The following KCNT2 variants were observed in gnomAD, a reference collection of about 807,000 sequenced individuals.
KCNT2 encodes potassium sodium-activated channel subfamily T member 2.
Under a neutral mutation model 153.8 loss-of-function variants are expected in KCNT2, and 67 were observed. That is an observed-to-expected ratio of 0.44 (90% CI 0.36 to 0.53). The LOEUF is 0.53. Among genes scored for constraint, KCNT2 ranks in the 20% least tolerant of loss-of-function variants. KCNT2 has a pLI of 0.00. For synonymous variants in KCNT2, 500 were observed against 458.8 expected, an observed-to-expected ratio of 1.09 and a Z score of -1.15; for missense variants, 975 against 1,354.8, an observed-to-expected ratio of 0.72 and a Z score of 4.40.
At chr1:196,519,055 C>T (rs965806554) in intron 1 of KCNT2, among the ~76,000 whole-genome samples, 1 of 152,120 alleles carries the variant, frequency 6.6e-6, no homozygotes, top group Admixed American at 6.6e-5. Context: ...AAAAAATCCT[C>T]AGCAAATCCA....
intron 1 of KCNT2, among the ~76,000 whole-genome samples, chr1:196,511,108 A>G (rs1254096575): frequency 1.0e-5 from 1 of 100,176 alleles, no homozygotes; most frequent in Non-Finnish European, 2.0e-5. Flanking sequence ...ACATACGTAA[A>G]CACACACAAC....
chr1:196,394,780 C>T (rs1312343035), intron 13 of KCNT2, among the ~76,000 whole-genome samples: 1 of 151,418 alleles, frequency 6.6e-6, no homozygotes, highest in East Asian at 1.9e-4. Context: ...TGTTCTGATG[C>T]TTATATCTTT....
At chr1:196,270,246 G>C (rs1036455242) in intron 25 of KCNT2, among the ~76,000 whole-genome samples, 6 of 151,790 alleles carry the variant, frequency 4.0e-5, no homozygotes, top group Non-Finnish European at 2.9e-5. Context: ...GGATTATAGT[G>C]GCCCAAGGTC....
In KCNT2 at chr1:196,227,040, A is replaced by G. The variant is rs1406604947; in HGVS notation, c.*1184T>C. The G allele has an allele frequency of 6.6e-6, 1 of 152,032 alleles. No homozygotes were observed. The highest frequency in any genetic ancestry group is 1.5e-5 in the Non-Finnish European group (1 of 67,862). The allele number at this position is 152,032 out of a possible 1,614,324, so 9.4% of individuals were successfully genotyped here. A position where few individuals can be genotyped will look rare whatever the true frequency, so the allele number is the denominator to read the frequency against. Reference sequence around the variant, plus strand: ...ACTGGATATCATCAATGGTCAATTTATATTTAAATTTATAACTCAAATTCT... The same window carrying G: ...ACTGGATATCATCAATGGTCAATTTGTATTTAAATTTATAACTCAAATTCT... On this transcript the variant is annotated 3_prime_UTR_variant, in exon 28 of 28. Coordinates refer to ENST00000294725, the MANE Select transcript of KCNT2 (RefSeq NM_198503.5).
At chr1:196,281,664 C>A (rs1049281964) in intron 24 of KCNT2, among the ~76,000 whole-genome samples, 1 of 151,878 alleles carries the variant, frequency 6.6e-6, no homozygotes, top group Admixed American at 6.5e-5. Flanking sequence ...ATCTATAAAA[C>A]AAAGGAGTTA....
chr1:196,331,131 C>T (rs1664416469), intron 18 of KCNT2, 25 bp downstream of exon 18: 18 of 1,223,712 alleles, frequency 1.5e-5, no homozygotes, highest in Non-Finnish European at 2.2e-5. Context: ...ATTTTGTAAA[C>T]AAAAAAGCAT....
chr1:196,482,147 A>T (rs1679068222), intron 4 of KCNT2, among the ~76,000 whole-genome samples, 184 bp downstream of exon 4: 1 of 152,110 alleles, frequency 6.6e-6, no homozygotes, highest in Non-Finnish European at 1.5e-5. Context: ...AATCCTCAAG[A>T]GGTAGAATGC....
At chr1:196,535,762 CAA>C (rs1655474473) in intron 1 of KCNT2, among the ~76,000 whole-genome samples, 1 of 152,210 alleles carries the variant, frequency 6.6e-6, no homozygotes, top group African/African-American at 2.4e-5. Flanking sequence ...GTGCAAGCCA[CAA>C]GCCATATGTA....
intron 12 of KCNT2, among the ~76,000 whole-genome samples, chr1:196,414,154 GC>G (rs774572219): frequency 1.4e-3 from 207 of 151,614 alleles, no homozygotes; most frequent in Non-Finnish European, 2.6e-3. Flanking sequence ...TCAAAGTTAT[GC>G]CTAATATTAA....
intron 13 of KCNT2, among the ~76,000 whole-genome samples, chr1:196,378,723 ATAATATATAATAATT>A (rs1558216714): frequency 6.8e-6 from 1 of 148,098 alleles, no homozygotes; most frequent in Non-Finnish European, 1.5e-5. Flanking sequence ...AAACAGCAAT[ATAATATATAATAATT>A]TAATATATAA....
chr1:196,598,305 A>T (rs1435064294), intron 1 of KCNT2, among the ~76,000 whole-genome samples: 1 of 151,848 alleles, frequency 6.6e-6, no homozygotes, highest in Admixed American at 6.6e-5. Context: ...TGTTTCTGGG[A>T]TACTAACTAC....
At chr1:196,239,358 T>C (rs1234612653) in intron 26 of KCNT2, among the ~76,000 whole-genome samples, 1 of 151,842 alleles carries the variant, frequency 6.6e-6, no homozygotes, top group Non-Finnish European at 1.5e-5. Flanking sequence ...TTGAATATTA[T>C]AAACTTTAAA....
At chr1:196,428,601 T>C (rs2148539132) in intron 9 of KCNT2, among the ~76,000 whole-genome samples, 1 of 152,216 alleles carries the variant, frequency 6.6e-6, no homozygotes, top group South Asian at 2.1e-4. Context: ...CCACATTCTC[T>C]GTCAAATTCT....
At chr1:196,468,399 C>T (rs1331192492) in intron 6 of KCNT2, among the ~76,000 whole-genome samples, 2 of 152,040 alleles carry the variant, frequency 1.3e-5, no homozygotes, top group Non-Finnish European at 2.9e-5. Flanking sequence ...TCCCAACAGA[C>T]ATTATTATAA....
At chr1:196,518,256 C>T (rs1035110819) in intron 1 of KCNT2, among the ~76,000 whole-genome samples, 15 of 151,950 alleles carry the variant, frequency 9.9e-5, no homozygotes, top group East Asian at 1.9e-4. Context: ...GAATAGACAT[C>T]GAAAGAAGCA....
chr1:196,540,028 A>G (rs997982631), intron 1 of KCNT2, among the ~76,000 whole-genome samples: 2 of 152,120 alleles, frequency 1.3e-5, no homozygotes, highest in Non-Finnish European at 2.9e-5. Flanking sequence ...GAAGAATTAT[A>G]AAGTGAATTA....
intron 14 of KCNT2, among the ~76,000 whole-genome samples, chr1:196,347,120 A>G (rs1263866529): frequency 1.3e-5 from 2 of 152,130 alleles, no homozygotes; most frequent in Non-Finnish European, 2.9e-5. Flanking sequence ...AGGAGCTCCA[A>G]CATTCAGTGT....
intron 25 of KCNT2, among the ~76,000 whole-genome samples, chr1:196,275,132 A>G (rs190142152): frequency 5.7e-4 from 87 of 151,972 alleles, no homozygotes; most frequent in Admixed American, 2.5e-3. Flanking sequence ...GAGCCTTTTG[A>G]CATTTTATAC....
intron 14 of KCNT2, among the ~76,000 whole-genome samples, chr1:196,346,559 T>C (rs1462364145): frequency 6.6e-6 from 1 of 152,118 alleles, no homozygotes; most frequent in African/African-American, 2.4e-5. Context: ...CTGCACATTA[T>C]TTTTAAGTAT....
Sources: gnomAD v4.1 joint callset for allele counts (sites outside exome capture counted in the v4.1 genomes callset) on GRCh38, gnomAD v4.1.1 for gene constraint, MANE v1.5 for transcripts, NCBI Gene and HGNC (gene_info 2026-07-23, HGNC 2026-07-21) for gene names.